The following DSC2 variants were observed in gnomAD, a reference collection of about 807,000 sequenced individuals.
DSC2 encodes the protein desmocollin 2.
In DSC2, 51 loss-of-function variants were observed where a neutral mutation model predicts 87.6. That is an observed-to-expected ratio of 0.58 (90% CI 0.46 to 0.74). The LOEUF (loss-of-function observed/expected upper bound fraction) is 0.74, where lower values mean the gene tolerates loss of function less well. DSC2 is among the 30% of genes least tolerant of loss of function. The pLI is 0.00. For missense variants in DSC2, 1,066 were observed against 1,089.5 expected, an observed-to-expected ratio of 0.98 and a Z score of 0.30; for synonymous variants, 383 against 393.2, an observed-to-expected ratio of 0.97 and a Z score of 0.31.
Position 31,068,986 on chromosome 18 carries a change from G to A in DSC2, c.2416C>T (p.Leu806=), listed in dbSNP as rs758409608. The change falls in exon 15 of 16, where the codon CTG becomes TTG. Residue 806 remains leucine, a synonymous_variant. Transcript: ENST00000280904. ...GTGTGTCCTCCCCTGCAGGAGTCCA[G>A]GGTGTGATGGTGGCCAGCCCCCCGG... is the stretch of plus-strand genomic sequence containing the variant. ...SCRGAGHHHT[L]DSCRGGHTEV... 2 of 1,614,050 alleles carry A rather than the reference G, an allele frequency of 1.2e-6. No homozygotes were observed. The highest frequency in any genetic ancestry group is 3.3e-5 in the Admixed American group (2 of 60,010).
Position 31,080,155 on chromosome 18 carries a change from T to A in DSC2, c.1461A>T (p.Gly487=). ...ATGCTTTATATCCATTGCTTGTTGT[T>A]CCCACTTCTGCATTTTCTTTCATGC... ...TVRMKENAEV[G]TTSNGYKAYD... Residue 487 remains glycine (G), a synonymous_variant, in exon 10 of 16, where the codon GGA becomes GGT. Transcript: ENST00000280904. 6.2e-7 allele frequency: 1 copy of A among 1,614,156 alleles called. No individual in the cohort carries two copies. Among genetic ancestry groups the A allele is most frequent in the East Asian group, 2.2e-5 (1 of 44,874 alleles).
chr18:31,101,889 G>T lies in DSC2; in HGVS notation c.69+14C>A. ...CGCCCCCTTCCCCGGAGCGGTGGCCGCGGCTACACTCACCGCGAGGGTCAG... is the reference window on the plus strand; with the variant it reads ...CGCCCCCTTCCCCGGAGCGGTGGCCTCGGCTACACTCACCGCGAGGGTCAG... On this transcript the variant is annotated intron_variant, in intron 1 of 15. Transcript: ENST00000280904. 6.5e-7 allele frequency: 1 copy of T among 1,530,010 alleles called. No homozygotes were observed. 94.8% of individuals were successfully genotyped at this position (1,530,010 alleles called of 1,614,324 possible).
At chr18:31,068,409 T>A in intron 15 of DSC2, 197 bp from the exon 16 acceptor site, 1 of 1,535,556 alleles carries the variant, frequency 6.5e-7, no homozygotes, top group Non-Finnish European at 9.0e-7. Flanking sequence ...CAGTATAGCA[T>A]GTTTCTAAAA....
chr18:31,102,050 A>G lies in DSC2; in HGVS notation c.-79T>C. ...TCCGCGGGGCGAGGGCCGCGGCCGG[A>G]GCGCAGTCTGGGCCCGCTGCTCAGG... On this transcript the variant is annotated 5_prime_UTR_variant, in exon 1 of 16. Transcript: ENST00000280904. 7.9e-7 allele frequency: 1 copy of G among 1,261,750 alleles called. No homozygotes were observed. The highest frequency in any genetic ancestry group is 1.6e-5 in the African/African-American group (1 of 62,962). The allele number at this position is 1,261,750 out of a possible 1,614,324, so 78.2% of individuals were successfully genotyped here. A position where few individuals can be genotyped will look rare whatever the true frequency, so the allele number is the denominator to read the frequency against.
chr18:31,089,293 T>A (rs1265353870), intron 5 of DSC2, 146 bp downstream of exon 5: 2 of 768,962 alleles, frequency 2.6e-6, no homozygotes, highest in African/African-American at 3.5e-5. Flanking sequence ...ATATTTTTTG[T>A]TTCAAGTCAA....
chr18:31,082,270 T>C lies in DSC2; in HGVS notation c.1231A>G (p.Lys411Glu), dbSNP rs560482778. Residue 411 changes from lysine (K) to glutamate (E), a missense_variant, in exon 9 of 16, where the codon AAA (lysine) becomes GAA (glutamate). Lys to Glu is a moderately conservative substitution (Grantham distance 56). Transcript: ENST00000280904. ...NGNFKIVTDA[K>E]TNEGVLCVVK... ...ACACAAAGAACTCCTTCATTGGTTT[T>C]GGCATCTGTTACAATTTTAAAATTG... 3.1e-5 allele frequency: 50 copies of C among 1,613,594 alleles called. No homozygotes were observed. The highest frequency in any genetic ancestry group is 3.6e-5 in the Non-Finnish European group (43 of 1,179,920).
chr18:31,087,796 T>C lies in DSC2; in HGVS notation c.648A>G (p.Thr216=), dbSNP rs1451698312. The C allele has an allele frequency of 1.2e-6, 2 of 1,613,734 alleles. No individual in the cohort carries two copies. The highest frequency in any genetic ancestry group is 1.3e-5 in the African/African-American group (1 of 74,920). The change falls in exon 6 of 16, where the codon ACA becomes ACG. Residue 216 remains threonine, a synonymous_variant. Transcript: ENST00000280904. ...GTTCTGGAGTATACCCATCTGGAGT[T>C]GTTGCAAAGGCAATTATCTGTGAAG... The part of the protein sequence containing the change: ...YESFEIIAFA[T]TPDGYTPELP...
chr18:31,093,679 A>AT, intron 1 of DSC2, 36 bp from the exon 2 acceptor site: 2 of 1,401,332 alleles, frequency 1.4e-6, no homozygotes, highest in Non-Finnish European at 1.9e-6. Flanking sequence ...AATATTATGC[A>AT]TAAAAAGAAA....
intron 1 of DSC2, among the ~76,000 whole-genome samples, chr18:31,094,928 A>C (rs1465649139): frequency 2.6e-5 from 4 of 152,248 alleles, no homozygotes; most frequent in Non-Finnish European, 1.5e-5. Context: ...TCACTTATTC[A>C]TTCAACCAAC....
chr18:31,098,127 A>T (rs938646528), intron 1 of DSC2, among the ~76,000 whole-genome samples: 10 of 152,148 alleles, frequency 6.6e-5, no homozygotes, highest in African/African-American at 1.9e-4. Flanking sequence ...TTTTTTCGCC[A>T]TGAAGAAGTA....
At chr18:31,077,858 C>T (rs1987074365) in intron 11 of DSC2, among the ~76,000 whole-genome samples, 1 of 152,150 alleles carries the variant, frequency 6.6e-6, no homozygotes, top group South Asian at 2.1e-4. Context: ...AAACATTAAT[C>T]TCAAGCTCAA....
chr18:31,082,130 T>C (rs1226565674), intron 9 of DSC2, 108 bp downstream of exon 9: 11 of 1,002,042 alleles, frequency 1.1e-5, no homozygotes, highest in Non-Finnish European at 1.3e-5. Flanking sequence ...CATTTACTTA[T>C]ATACCTATTT....
Position 31,063,331 on chromosome 18 carries a change from A to AAC in DSC2, c.*4683_*4684insGT, listed in dbSNP as rs1491234925. The stretch of plus-strand genomic sequence containing the variant: ...AGGTGACAGAGTGAGATTCCGTCTC[A>AAC]AAAAAAAAAAAAAAAAAATTAATGG... On this transcript the variant is annotated 3_prime_UTR_variant, in exon 16 of 16. Transcript: ENST00000280904. 2.2e-5 allele frequency: 2 copies of AAC among 92,270 alleles called. No individual in the cohort carries two copies. The highest frequency in any genetic ancestry group is 2.4e-4 in the Admixed American group (2 of 8,472). The allele number at this position is 92,270 out of a possible 1,614,324, so 5.7% of individuals were successfully genotyped here. A position where few individuals can be genotyped will look rare whatever the true frequency, so the allele number is the denominator to read the frequency against.
chr18:31,085,978 G>T (rs1357555358), intron 7 of DSC2, among the ~76,000 whole-genome samples: 11 of 151,940 alleles, frequency 7.2e-5, no homozygotes, highest in Admixed American at 2.0e-4. Context: ...ATTCAGGGGG[G>T]CCAAGAGACA....
At chr18:31,070,975 G>T in intron 13 of DSC2, 125 bp from the exon 14 acceptor site, 1 of 1,219,244 alleles carries the variant, frequency 8.2e-7, no homozygotes, top group Non-Finnish European at 1.2e-6. Flanking sequence ...CAGCTTTCCT[G>T]GATTGCTTGT....
At chr18:31,084,433 A>G (rs964101078) in intron 7 of DSC2, among the ~76,000 whole-genome samples, 6 of 152,164 alleles carry the variant, frequency 3.9e-5, no homozygotes, top group African/African-American at 1.4e-4. Context: ...CTAAGTATTA[A>G]CTTATGCTAT....
chr18:31,101,793 CTTCA>C, intron 1 of DSC2, 106 bp downstream of exon 1: 2 of 1,153,044 alleles, frequency 1.7e-6, no homozygotes, highest in African/African-American at 1.6e-5. Flanking sequence ...CCAGAGGCCC[CTTCA>C]CCCCAGCTTT....
rs199682735 is a variant in DSC2, at chr18:31,086,661, C to A, written c.857G>T (p.Gly286Val). The A allele has an allele frequency of 8.6e-5, 139 of 1,614,082 alleles. 1 individual carries two copies. Among genetic ancestry groups the A allele is most frequent in the Admixed American group, 6.7e-4 (40 of 60,002 alleles). The change falls in exon 7 of 16, where the codon GGG (glycine) becomes GTG (valine). Residue 286 changes from glycine (G) to valine (V), a missense_variant. By Grantham distance (109) the Gly-to-Val change is moderately radical (BLOSUM62 -3). Transcript: ENST00000280904. ...TAGGGTGGGTGATGGTGGCACCTGC[C>A]CAATGATGGAGTACTTCAGGCGTGT... is the stretch of plus-strand genomic sequence containing the variant. ...MHTRLKYSII[G>V]QVPPSPTLFS...
chr18:31,091,962 A>C, intron 3 of DSC2, 139 bp downstream of exon 3: 1 of 791,976 alleles, frequency 1.3e-6, no homozygotes, highest in South Asian at 1.8e-5. Flanking sequence ...CCTTCTAAAC[A>C]CTGTGAAGTT....
Sources: gnomAD v4.1 joint callset for allele counts (sites outside exome capture counted in the v4.1 genomes callset) on GRCh38, gnomAD v4.1.1 for gene constraint, MANE v1.5 for transcripts, NCBI Gene and HGNC (gene_info 2026-07-23, HGNC 2026-07-21) for gene names.